ST18: variants seen among roughly 807,000 people sequenced by gnomAD.
The protein encoded by ST18 is ST18 C2H2C-type zinc finger transcription factor, also known as suppression of tumorigenicity 18 protein.
A neutral mutation model predicts 110.0 loss-of-function variants in ST18; 50 were observed. The ratio of observed to expected loss-of-function variants is 0.45; its 90% CI spans 0.36 to 0.58. The LOEUF (loss-of-function observed/expected upper bound fraction) is 0.58. Among genes scored for constraint, ST18 ranks in the 20% least tolerant of loss-of-function variants. ST18 has a pLI of 0.00. For synonymous variants in ST18, 461 were observed against 452.4 expected (o/e 1.02, Z -0.24); for missense variants, 1,306 against 1,280.1 (o/e 1.02, Z -0.31).
intron 2 of ST18, among the ~76,000 whole-genome samples, chr8:52,309,366 CA>C (rs1281701649): frequency 6.6e-6 from 1 of 151,874 alleles, no homozygotes; most frequent in African/African-American, 2.4e-5. Context: ...ACTAAAAATA[CA>C]AAAATCCGCC....
intron 2 of ST18, among the ~76,000 whole-genome samples, chr8:52,295,764 A>C (rs1419973662): frequency 7.1e-6 from 1 of 141,794 alleles, no homozygotes; most frequent in South Asian, 2.2e-4. Context: ...ATGTGTTAGC[A>C]TATCAGATAG....
In ST18 at chr8:52,111,259, G is replaced by A. The variant is rs979326953; in HGVS notation, c.*1939C>T. On this transcript the variant is annotated 3_prime_UTR_variant, in exon 26 of 26. Transcript: ENST00000689386. ...TGTTAAAATATTTAGCAAATTAAAC[G>A]TTTGTCTTTGTAATAAGTGAGCTCA... 4.5e-5 allele frequency: 14 copies of A among 313,864 alleles called. No homozygotes were observed. Among genetic ancestry groups the A allele is most frequent in the Non-Finnish European group, 6.3e-5 (11 of 173,240 alleles). The allele number at this position is 313,864 out of a possible 1,614,324, so 19.4% of individuals were successfully genotyped here.
chr8:52,159,761 G>C (rs1407209243), intron 14 of ST18, among the ~76,000 whole-genome samples: 1 of 152,138 alleles, frequency 6.6e-6, no homozygotes, highest in Non-Finnish European at 1.5e-5. Flanking sequence ...TGTTCTCAAG[G>C]TGAACAGAAA....
intron 9 of ST18, among the ~76,000 whole-genome samples, chr8:52,177,467 G>A (rs758313572): frequency 2.0e-5 from 3 of 152,158 alleles, no homozygotes; most frequent in African/African-American, 7.2e-5. Flanking sequence ...GGTAACCAGA[G>A]TACATGAGAG....
chr8:52,342,929 C>T lies in ST18; in HGVS notation c.-465+66399G>A, dbSNP rs997300335. On this transcript the variant is annotated intron_variant, in intron 2 of 25. Transcript: ENST00000689386. ...TGTCATACAAAAGTGAATGGCAAAA[C>T]GAAAGAACAAGGTATATTTTCATTT... 1.6e-4 allele frequency among the ~76,000 whole-genome samples: 25 copies of T among 152,040 alleles called. No individual in the cohort carries two copies. The South Asian group carries it at 2.1e-3, about 13-fold the overall frequency.
chr8:52,263,227 G>T (rs2094753404), intron 2 of ST18, among the ~76,000 whole-genome samples: 1 of 152,212 alleles, frequency 6.6e-6, no homozygotes, highest in Non-Finnish European at 1.5e-5. Context: ...AGAGGGTGTG[G>T]TTGCTCCTGG....
chr8:52,382,317 A>C (rs1163412575), intron 2 of ST18, among the ~76,000 whole-genome samples: 1 of 152,210 alleles, frequency 6.6e-6, no homozygotes, highest in Admixed American at 6.5e-5. Context: ...CTCCTGCCTC[A>C]TTCTCACTGA....
chr8:52,340,112 G>A (rs932298247), intron 2 of ST18, among the ~76,000 whole-genome samples: 13 of 152,260 alleles, frequency 8.5e-5, no homozygotes, highest in African/African-American at 3.1e-4. Flanking sequence ...GCAAAGGCAA[G>A]TTAATAATGC....
chr8:52,126,499 T>G (rs1178009168), intron 22 of ST18, among the ~76,000 whole-genome samples: 1 of 152,250 alleles, frequency 6.6e-6, no homozygotes, highest in Non-Finnish European at 1.5e-5. Flanking sequence ...ATATATATTA[T>G]GAATAAGAAT....
At chr8:52,378,605 T>C (rs7002449) in intron 2 of ST18, among the ~76,000 whole-genome samples, 24,753 of 152,122 alleles carry the variant, frequency 0.16, 3,286 homozygotes, top group African/African-American at 0.36. Flanking sequence ...GGTGTGCATT[T>C]AATTAAGATA....
At chr8:52,152,528 T>C (rs1345450543) in intron 15 of ST18, among the ~76,000 whole-genome samples, 2 of 152,208 alleles carry the variant, frequency 1.3e-5, no homozygotes, top group Non-Finnish European at 2.9e-5. Flanking sequence ...AGAGGGGACA[T>C]CCCAGGCCAT....
intron 22 of ST18, among the ~76,000 whole-genome samples, chr8:52,129,451 CA>C (rs34059224): frequency 0.064 from 4,597 of 72,180 alleles, 173 homozygotes; most frequent in African/African-American, 0.19. Context: ...GAGACTCCAT[CA>C]AAAAAAAAAA....
intron 2 of ST18, among the ~76,000 whole-genome samples, chr8:52,351,850 T>TCTACCCAA (rs1321165769): frequency 2.0e-5 from 3 of 152,170 alleles, no homozygotes; most frequent in Admixed American, 2.0e-4. Context: ...AACTCTAGAA[T>TCTACCCAA]CTAAAGGTTG....
intron 2 of ST18, among the ~76,000 whole-genome samples, chr8:52,253,261 C>G (rs1314351870): frequency 6.6e-6 from 1 of 151,996 alleles, no homozygotes; most frequent in Non-Finnish European, 1.5e-5. Context: ...TTTATTAAAA[C>G]AAAAGGAATA....
intron 8 of ST18, among the ~76,000 whole-genome samples, chr8:52,198,301 G>A (rs1387837608): frequency 4.6e-5 from 7 of 152,208 alleles, no homozygotes; most frequent in South Asian, 2.1e-4. Context: ...CACTGCGCCC[G>A]GCCGTGGCTG....
intron 23 of ST18, among the ~76,000 whole-genome samples, chr8:52,121,499 C>A (rs2044785697): frequency 1.3e-5 from 2 of 152,184 alleles, no homozygotes; most frequent in South Asian, 4.1e-4. Flanking sequence ...TCTTTCCATG[C>A]ACACAGTCTC....
At chr8:52,352,037 C>T (rs1001120277) in intron 2 of ST18, among the ~76,000 whole-genome samples, 3 of 152,106 alleles carry the variant, frequency 2.0e-5, no homozygotes, top group African/African-American at 7.2e-5. Flanking sequence ...TCGATGAAAA[C>T]CCAAACCTGC....
intron 23 of ST18, among the ~76,000 whole-genome samples, chr8:52,124,512 G>T (rs1424615555): frequency 6.6e-6 from 1 of 152,170 alleles, no homozygotes; most frequent in Non-Finnish European, 1.5e-5. Context: ...AAAATTTCAT[G>T]TAGCTTTGCA....
At chr8:52,279,203 G>T (rs1259804904) in intron 2 of ST18, among the ~76,000 whole-genome samples, 4 of 152,010 alleles carry the variant, frequency 2.6e-5, no homozygotes, top group Non-Finnish European at 5.9e-5. Context: ...TTATTGAAGA[G>T]GAAACTGTTA....
Sources: allele counts gnomAD v4.1 joint callset (sites outside exome capture counted in the v4.1 genomes callset), GRCh38; gene constraint gnomAD v4.1.1; transcripts MANE v1.5; gene names NCBI Gene and HGNC (gene_info 2026-07-23, HGNC 2026-07-21).